The following UNC79 variants were observed in gnomAD, a reference collection of about 807,000 sequenced individuals.
The protein encoded by UNC79 is protein unc-79 homolog.
UNC79 carries 37 observed loss-of-function variants against 283.1 expected under a neutral mutation model. The observed-to-expected ratio is 0.13, with a 90% CI of 0.10 to 0.17. The LOEUF is 0.17. UNC79 is among the 10% of genes least tolerant of loss of function. UNC79 has a pLI of 1.00. For missense variants in UNC79, 2,272 were observed against 3,211.1 expected, an observed-to-expected ratio of 0.71 and a Z score of 7.07; for synonymous variants, 1,107 against 1,200.2, an observed-to-expected ratio of 0.92 and a Z score of 1.61.
intron 1 of UNC79, among the ~76,000 whole-genome samples, chr14:93,417,096 G>A (rs2055478602): frequency 2.6e-5 from 4 of 152,172 alleles, no homozygotes; most frequent in Admixed American, 2.6e-4. Flanking sequence ...CTCGTTAGTT[G>A]ATCCAGTTTC....
In UNC79 at chr14:93,692,454, A is replaced by T. The variant is rs2074770743; in HGVS notation, c.7470+508A>T. 3.3e-5 allele frequency among the ~76,000 whole-genome samples: 5 copies of T among 152,236 alleles called. No homozygotes were observed. In the South Asian group the frequency reaches 1.0e-3, roughly 31 times the overall value. ...AATATCTACCTTGAAGGGTTGTTTG[A>T]TGCTATAATGTCAGAGGGTTAGGAG... On this transcript the variant is annotated intron_variant, in intron 46 of 48. Coordinates refer to ENST00000555664, the Ensembl canonical transcript of UNC79.
intron 42 of UNC79, among the ~76,000 whole-genome samples, chr14:93,686,006 A>C (rs559526998): frequency 6.6e-6 from 1 of 152,314 alleles, no homozygotes; most frequent in Admixed American, 6.5e-5. Context: ...TCTATTTAGT[A>C]GTGTACCTAC....
chr14:93,568,413 C>G (rs1316059075), intron 14 of UNC79, among the ~76,000 whole-genome samples: 3 of 152,114 alleles, frequency 2.0e-5, no homozygotes, highest in Admixed American at 1.3e-4. Flanking sequence ...GGGGCTCACA[C>G]CTGTAATCCC....
At chr14:93,371,144 C>T (rs953165189) in intron 1 of UNC79, among the ~76,000 whole-genome samples, 2 of 152,118 alleles carry the variant, frequency 1.3e-5, no homozygotes, top group African/African-American at 4.8e-5. Flanking sequence ...AATCCCAGCA[C>T]TTTGTGAGTC....
In UNC79 at chr14:93,622,557, G is replaced by A. The variant is rs777182788; in HGVS notation, c.5324G>A (p.Gly1775Glu). Residue 1775 changes from glycine to glutamate, a missense_variant, in exon 30 of 49, where the codon GGG becomes GAG. This residue lies in a region of UNC79 where 580 missense variants were observed against 632.2 expected (regional missense o/e 0.92). Transcript: ENST00000555664. Reference sequence around the variant, plus strand: ...CCGGGCACTGAGGGGGAGAAGCCTGGGGAGCTGATGCCAAGTTCAGGGGCA... The same window carrying A: ...CCGGGCACTGAGGGGGAGAAGCCTGAGGAGCTGATGCCAAGTTCAGGGGCA... 9 of 1,613,964 alleles carry A rather than the reference G, an allele frequency of 5.6e-6. No individual in the cohort carries two copies. Among genetic ancestry groups the A allele is most frequent in the Non-Finnish European group, 7.6e-6 (9 of 1,179,992 alleles).
intron 29 of UNC79, among the ~76,000 whole-genome samples, chr14:93,619,261 C>T (rs1257260741): frequency 6.6e-6 from 1 of 152,118 alleles, no homozygotes; most frequent in Non-Finnish European, 1.5e-5. Context: ...TCTTGTCTAC[C>T]AGTTTAGGGT....
chr14:93,402,457 CAAA>C (rs1396268945), intron 1 of UNC79, among the ~76,000 whole-genome samples: 1 of 150,762 alleles, frequency 6.6e-6, no homozygotes, highest in Non-Finnish European at 1.5e-5. Context: ...AAATTATAAA[CAAA>C]AAAGCAGATA....
At chr14:93,639,691 T>C (rs2068845353) in intron 32 of UNC79, among the ~76,000 whole-genome samples, 1 of 152,250 alleles carries the variant, frequency 6.6e-6, no homozygotes, top group Non-Finnish European at 1.5e-5. Context: ...AATGTTCTTC[T>C]TATACTCGTG....
In UNC79 at chr14:93,386,927, C is replaced by CTTTTTTTTTTTTTTTTTTTTTTTTTT. The variant is rs35267402; in HGVS notation, c.-351+53411_-351+53436dup. 1.1e-4 allele frequency among the ~76,000 whole-genome samples: 3 copies of CTTTTTTTTTTTTTTTTTTTTTTTTTT among 27,192 alleles called. 1 individual carries two copies. The highest frequency in any genetic ancestry group is 2.6e-3 in the East Asian group (2 of 766). 17.8% of individuals were successfully genotyped at this position (27,192 alleles called of 152,430 possible). ...TTCATTTCAATTTCATGTATTTCTG[C>CTTTTTTTTTTTTTTTTTTTTTTTTTT]TTTTTTTTTTTTTTTTTTTTTTTTT... On this transcript the variant is annotated intron_variant, in intron 1 of 49. Coordinates refer to the UNC79 transcript ENST00000256339.
intron 4 of UNC79, among the ~76,000 whole-genome samples, chr14:93,485,472 T>C (rs1050956526): frequency 2.6e-5 from 4 of 152,040 alleles, no homozygotes; most frequent in Admixed American, 2.6e-4. Flanking sequence ...ACAGGTACTT[T>C]CCTGGAAACA....
intron 11 of UNC79, among the ~76,000 whole-genome samples, chr14:93,535,534 G>A (rs1421948510): frequency 6.6e-6 from 1 of 152,202 alleles, no homozygotes; most frequent in East Asian, 1.9e-4. Flanking sequence ...GACAGGGCAT[G>A]ATGGAGATAG....
At chr14:93,683,375 G>A (rs2073991702) in intron 42 of UNC79, among the ~76,000 whole-genome samples, 1 of 152,098 alleles carries the variant, frequency 6.6e-6, no homozygotes, top group Admixed American at 6.5e-5. Flanking sequence ...GGCCCATGGG[G>A]TTTTCACAGG....
At chr14:93,622,281 C>T (rs757073570) in exon 30 of UNC79, 2 of 1,614,116 alleles carry the variant, frequency 1.2e-6, no homozygotes, top group African/African-American at 1.3e-5. Context: ...AGCACAGCTC[C>T]GCTTGTACAA....
intron 14 of UNC79, among the ~76,000 whole-genome samples, chr14:93,560,580 G>A (rs939706361): frequency 2.0e-5 from 3 of 152,096 alleles, no homozygotes; most frequent in Admixed American, 1.3e-4. Context: ...TGACAAGCAA[G>A]GATATTAGTG....
chr14:93,648,347 G>A (rs926171813), intron 35 of UNC79, among the ~76,000 whole-genome samples: 1 of 152,150 alleles, frequency 6.6e-6, no homozygotes, highest in African/African-American at 2.4e-5. Flanking sequence ...ATAGGTTATG[G>A]GGAAGGGGTA....
intron 1 of UNC79, among the ~76,000 whole-genome samples, chr14:93,435,037 T>C (rs113831331): frequency 1.9e-4 from 29 of 152,308 alleles, no homozygotes; most frequent in Non-Finnish European, 4.0e-4. Flanking sequence ...GGGCCATGCA[T>C]GGAGAAATCA....
chr14:93,623,091 C>A (rs2067261201), intron 30 of UNC79, among the ~76,000 whole-genome samples: 1 of 152,188 alleles, frequency 6.6e-6, no homozygotes, highest in African/African-American at 2.4e-5. Context: ...TCTTGACCAC[C>A]CTTGGCAATG....
chr14:93,404,511 T>TATATATATATATATATATATATATAA (rs1342806157), intron 1 of UNC79, among the ~76,000 whole-genome samples: 39 of 117,156 alleles, frequency 3.3e-4, no homozygotes, highest in Non-Finnish European at 6.3e-4. Context: ...TATATATATA[T>TATATATATATATATATATATATATAA]ATAAATATAT....
intron 30 of UNC79, 111 bp from the exon 33 acceptor site, chr14:93,630,690 T>C (rs2067958400): frequency 2.6e-6 from 2 of 756,352 alleles, no homozygotes; most frequent in Admixed American, 2.5e-5. Flanking sequence ...GCCAGGAAAG[T>C]GTATAAAGAG....
Sources: allele counts gnomAD v4.1 joint callset (sites outside exome capture counted in the v4.1 genomes callset), GRCh38; gene constraint gnomAD v4.1.1; regional missense constraint gnomAD v4.1.1; transcripts MANE v1.5; gene names NCBI Gene and HGNC (gene_info 2026-07-23, HGNC 2026-07-21).